The following CCDC88C variants were observed in gnomAD, a reference collection of about 807,000 sequenced individuals.
The protein encoded by CCDC88C is coiled-coil and HOOK domain protein 88C.
CCDC88C carries 131 observed loss-of-function variants against 198.8 expected under a neutral mutation model. The observed-to-expected ratio is 0.66, with a 90% CI of 0.57 to 0.76. The LOEUF (loss-of-function observed/expected upper bound fraction) is 0.76, where lower values mean the gene tolerates loss of function less well. CCDC88C is among the 30% of genes least tolerant of loss of function. The pLI is 0.00. For missense variants in CCDC88C, 2,553 were observed against 2,631.6 expected (o/e 0.97, Z 0.65); for synonymous variants, 1,166 against 1,114.7 (o/e 1.05, Z -0.92).
intron 3 of CCDC88C, among the ~76,000 whole-genome samples, chr14:91,396,062 T>TATCGCGACAATTAC (rs1885818937): frequency 6.6e-6 from 1 of 152,182 alleles, no homozygotes; most frequent in African/African-American, 2.4e-5. Context: ...ACGACAATTA[T>TATCGCGACAATTAC]ATCGCGACAA....
At chr14:91,397,507 C>A (rs1885923421) in intron 3 of CCDC88C, among the ~76,000 whole-genome samples, 1 of 152,188 alleles carries the variant, frequency 6.6e-6, no homozygotes, top group African/African-American at 2.4e-5. Flanking sequence ...CACACACATT[C>A]TCTCCATCTC....
rs779623874 is a variant in CCDC88C, at chr14:91,272,592, G to C, written c.*33C>G. ...GTGAGAGTCGGAAGGCGCGTCAGTA[G>C]TTTTCAGGTTTGCGAGCTCAACCAC... On this transcript the variant is annotated 3_prime_UTR_variant, in exon 30 of 30. Coordinates refer to ENST00000389857, the MANE Select transcript of CCDC88C (RefSeq NM_001080414.4). 6.3e-7 allele frequency: 1 copy of C among 1,581,144 alleles called. No homozygotes were observed. The highest frequency in any genetic ancestry group is 1.7e-5 in the Admixed American group (1 of 57,478).
At chr14:91,346,052 T>C (rs747036159) in intron 4 of CCDC88C, among the ~76,000 whole-genome samples, 6 of 152,206 alleles carry the variant, frequency 3.9e-5, no homozygotes, top group African/African-American at 4.8e-5. Flanking sequence ...TGGGCTACAG[T>C]GTCCCAAAGT....
Position 91,304,111 on chromosome 14 carries a change from G to A in CCDC88C, c.3358-133C>T, listed in dbSNP as rs1344534471. The A allele has an allele frequency of 3.2e-5, 33 of 1,024,016 alleles. No homozygotes were observed. The Admixed American group carries it at 4.4e-4, about 14-fold the overall frequency. The allele number at this position is 1,024,016 out of a possible 1,614,324, so 63.4% of individuals were successfully genotyped here. ...GGCAGAAGACCCAGAGGGTACCCAG[G>A]ATGGCTGTTCCAGAACTTAAGCAAC... On this transcript the variant is annotated intron_variant, in intron 19 of 29. Transcript: ENST00000389857.
At chr14:91,304,083 C>T in intron 19 of CCDC88C, 105 bp from the exon 20 acceptor site, 1 of 1,364,300 alleles carries the variant, frequency 7.3e-7, no homozygotes, top group Non-Finnish European at 1.0e-6. Context: ...CCGGGACCCT[C>T]AGGGCAGAAG....
intron 23 of CCDC88C, among the ~76,000 whole-genome samples, chr14:91,293,596 T>TCACCTTCCTGTCCCCTCACCTGCCAC (rs1567056076): frequency 1.0e-4 from 2 of 19,846 alleles, no homozygotes; most frequent in Admixed American, 5.2e-4. Context: ...TCGCCTGCCA[T>TCACCTTCCTGTCCCCTCACCTGCCAC]GGCCCACCTC....
chr14:91,311,080 C>G (rs1174848206), intron 15 of CCDC88C, among the ~76,000 whole-genome samples: 1 of 152,192 alleles, frequency 6.6e-6, no homozygotes, highest in Admixed American at 6.5e-5. Flanking sequence ...ACCGCCCAAG[C>G]CTGGTGTAGA....
intron 26 of CCDC88C, 100 bp from the exon 27 acceptor site, chr14:91,281,625 G>A: frequency 1.0e-6 from 1 of 996,444 alleles, no homozygotes; most frequent in Non-Finnish European, 1.6e-6. Flanking sequence ...AGTAGCTCCA[G>A]CTCTTGGGGA....
rs1011419388 is a variant in CCDC88C at position 91,338,140 on chromosome 14, G to C, written c.915C>G (p.Ala305=). 1.2e-6 allele frequency: 2 copies of C among 1,613,866 alleles called. No individual in the cohort carries two copies. Among genetic ancestry groups the C allele is most frequent in the Non-Finnish European group, 1.7e-6 (2 of 1,179,840 alleles). ...KQENIQLAAD[A]RSARAYRDEL... ...CGTCTCGATAGGCACGAGCAGACCG[G>C]GCGTCTGCCGCTAGCTGGATGTTCT... Residue 305 remains alanine, a synonymous_variant, in exon 10 of 30, where the codon GCC becomes GCG. Transcript: ENST00000389857. The surrounding 1 kb of genome is among the most constrained non-coding windows in gnomAD (Gnocchi z 4.8).
At chr14:91,408,838 C>T (rs1019578929) in intron 2 of CCDC88C, 71 bp from the exon 3 acceptor site, 1 of 996,156 alleles carries the variant, frequency 1.0e-6, no homozygotes, top group African/African-American at 1.6e-5. Context: ...CCAGCCACGA[C>T]CCAGCATCTT....
intron 19 of CCDC88C, 21 bp from the exon 20 acceptor site, chr14:91,303,999 G>A (rs1272211875): frequency 8.2e-6 from 13 of 1,590,588 alleles, no homozygotes; most frequent in Admixed American, 6.7e-5. Flanking sequence ...GGAGAAGCGC[G>A]GCGTGGCGCA....
chr14:91,273,441 C>T lies in CCDC88C; in HGVS notation c.5271G>A (p.Leu1757=), dbSNP rs1449459971. The part of the protein sequence containing the change: ...PGQYVKPNFR[L]TEAEAPPSVA... ...CGCTGGGTGGGGCCTCGGCCTCAGT[C>T]AGTCTGAAGTTTGGCTTTACGTACT... The change falls in exon 30 of 30, where the codon CTG becomes CTA. Residue 1757 remains leucine (L), a synonymous_variant. Coordinates refer to ENST00000389857, the MANE Select transcript of CCDC88C (RefSeq NM_001080414.4). The surrounding 1 kb of genome is among the most constrained non-coding windows in gnomAD (Gnocchi z 5.6). The T allele has an allele frequency of 1.9e-6, 3 of 1,585,046 alleles. No homozygotes were observed. The South Asian group carries it at 3.4e-5, about 18-fold the overall frequency.
intron 3 of CCDC88C, among the ~76,000 whole-genome samples, chr14:91,401,059 T>A (rs1256104552): frequency 6.6e-6 from 1 of 150,986 alleles, no homozygotes; most frequent in Non-Finnish European, 1.5e-5. Flanking sequence ...CACTGCCTGG[T>A]AAATGAAAAA....
chr14:91,279,327 T>A (rs770658482), intron 27 of CCDC88C, 21 bp from the exon 28 acceptor site: 5 of 1,575,624 alleles, frequency 3.2e-6, no homozygotes, highest in Non-Finnish European at 3.5e-6. Context: ...ATGGCAGTGT[T>A]AAAATTAAAA....
At chr14:91,301,762 C>T (rs1383677741) in intron 20 of CCDC88C, among the ~76,000 whole-genome samples, 1 of 152,188 alleles carries the variant, frequency 6.6e-6, no homozygotes, top group Admixed American at 6.5e-5. Context: ...TTATTTAATA[C>T]GACATAACAT....
chr14:91,391,694 G>C lies in CCDC88C; in HGVS notation c.270+16965C>G, dbSNP rs7150653. ...CTCGGGAGGCTGAGGCAGGAGAATC[G>C]CTTGATCCCAGGGGGCTGAGGCTGC... On this transcript the variant is annotated intron_variant, in intron 3 of 29. Transcript: ENST00000389857. Among the ~76,000 whole-genome samples, 28 of 151,954 alleles carry C rather than the reference G, an allele frequency of 1.8e-4. No homozygotes were observed. In the South Asian group the frequency reaches 5.8e-3, roughly 32 times the overall value.
At chr14:91,398,704 A>G (rs1396467871) in intron 3 of CCDC88C, among the ~76,000 whole-genome samples, 1 of 152,178 alleles carries the variant, frequency 6.6e-6, no homozygotes, top group African/African-American at 2.4e-5. Context: ...AAGAAATACA[A>G]GCAGCAGGAG....
chr14:91,276,602 T>C (rs1021744370), intron 29 of CCDC88C, among the ~76,000 whole-genome samples: 2 of 152,244 alleles, frequency 1.3e-5, no homozygotes, highest in African/African-American at 4.8e-5. Flanking sequence ...CACTTTCTTT[T>C]CTGTGTCACT....
At chr14:91,408,550 G>C (rs774374252) in intron 3 of CCDC88C, 109 bp downstream of exon 3, 9 of 719,698 alleles carry the variant, frequency 1.3e-5, no homozygotes, top group Non-Finnish European at 2.3e-5. Flanking sequence ...TCAACAAGTA[G>C]AGGCCTAAAC....
Sources: allele counts gnomAD v4.1 joint callset (sites outside exome capture counted in the v4.1 genomes callset), GRCh38; gene constraint gnomAD v4.1.1; non-coding constraint Gnocchi (gnomAD v3.1); transcripts MANE v1.5; gene names NCBI Gene and HGNC (gene_info 2026-07-23, HGNC 2026-07-21).